ADAM12: variants seen among roughly 807,000 people sequenced by gnomAD.
The protein encoded by ADAM12 is ADAM metallopeptidase domain 12, also known as disintegrin and metalloproteinase domain-containing protein 12.
In ADAM12, 70 loss-of-function variants were observed where a neutral mutation model predicts 106.4. The observed-to-expected ratio is 0.66, with a 90% CI of 0.54 to 0.80. The LOEUF (loss-of-function observed/expected upper bound fraction) is 0.80. Among genes scored for constraint, ADAM12 ranks in the 30% least tolerant of loss-of-function variants. The pLI is 0.00. For synonymous variants in ADAM12, 420 were observed against 433.5 expected (o/e 0.97, Z 0.39); for missense variants, 1,010 against 1,171.9 (o/e 0.86, Z 2.02).
At chr10:126,171,010 GC>G (rs1554980882) in intron 3 of ADAM12, among the ~76,000 whole-genome samples, 2 of 152,162 alleles carry the variant, frequency 1.3e-5, no homozygotes, top group Non-Finnish European at 1.5e-5. Flanking sequence ...CAGGATAAAG[GC>G]CACACCAATC....
chr10:126,157,957 C>A, intron 3 of ADAM12, among the ~76,000 whole-genome samples: 1 of 152,192 alleles, frequency 6.6e-6, no homozygotes, highest in East Asian at 1.9e-4. Context: ...AGGTAGAGAG[C>A]TCCAGGATGG....
At chr10:126,312,116 G>T in intron 2 of ADAM12, among the ~76,000 whole-genome samples, 1 of 127,904 alleles carries the variant, frequency 7.8e-6, no homozygotes, top group African/African-American at 3.0e-5. Flanking sequence ...CAAAGTTGGA[G>T]AATTGGTTGG....
chr10:126,138,193 G>A (rs1278333), intron 4 of ADAM12, among the ~76,000 whole-genome samples: 111,372 of 152,082 alleles, frequency 0.73, 40,946 homozygotes, highest in East Asian at 0.92. Flanking sequence ...CCATTTTTAT[G>A]TCTTCTTTGA....
At chr10:126,138,973 T>A (rs1030454421) in intron 4 of ADAM12, among the ~76,000 whole-genome samples, 4 of 152,242 alleles carry the variant, frequency 2.6e-5, no homozygotes, top group African/African-American at 7.2e-5. Context: ...AAACACCTAC[T>A]CTTTTTTCTA....
intron 8 of ADAM12, among the ~76,000 whole-genome samples, chr10:126,105,152 A>G (rs1178698082): frequency 6.6e-6 from 1 of 152,204 alleles, no homozygotes; most frequent in East Asian, 1.9e-4. Flanking sequence ...AACTCCACGG[A>G]GTCCGTTAGG....
intron 11 of ADAM12, among the ~76,000 whole-genome samples, chr10:126,077,513 C>T (rs1565038197): frequency 6.6e-6 from 1 of 152,092 alleles, no homozygotes. Context: ...GCTACAGTAA[C>T]CAAAACAGCA....
chr10:126,074,577 C>T (rs1955061693), intron 11 of ADAM12, among the ~76,000 whole-genome samples: 1 of 152,192 alleles, frequency 6.6e-6, no homozygotes, highest in Non-Finnish European at 1.5e-5. Flanking sequence ...TGTTGTCAGA[C>T]TGTATAGTGA....
chr10:126,106,488 T>TC (rs1490815821), intron 8 of ADAM12, among the ~76,000 whole-genome samples: 3 of 120,222 alleles, frequency 2.5e-5, no homozygotes, highest in African/African-American at 9.7e-5. Flanking sequence ...TTCTTCTTCT[T>TC]TTTTTTTTTT....
chr10:126,198,614 C>A (rs565928542), intron 3 of ADAM12, among the ~76,000 whole-genome samples: 1 of 152,210 alleles, frequency 6.6e-6, no homozygotes, highest in East Asian at 1.9e-4. Flanking sequence ...CTGCTCCTAC[C>A]CAGCTGTGGG....
Position 126,118,225 on chromosome 10 carries a change from CT to C in ADAM12, c.417-2del, listed in dbSNP as rs778293407. 6.2e-7 allele frequency: 1 copy of C among 1,607,704 alleles called. No homozygotes were observed. Among genetic ancestry groups the C allele is most frequent in the Non-Finnish European group, 8.5e-7 (1 of 1,176,062 alleles). ...TTCATTTTCAAACACAATAAGTCCC[CT>C]GTTGAAAAAGAAACAAGAAAAAATA... On this transcript the variant is annotated splice_acceptor_variant, in intron 5 of 22. Coordinates refer to ENST00000448723, the MANE Select transcript of ADAM12 (RefSeq NM_001288973.2). LOFTEE classifies it high-confidence loss of function.
At chr10:126,337,966 A>G (rs1032166609) in intron 1 of ADAM12, among the ~76,000 whole-genome samples, 1 of 152,220 alleles carries the variant, frequency 6.6e-6, no homozygotes, top group African/African-American at 2.4e-5. Flanking sequence ...TGACAAAACA[A>G]CAATTCTTCT....
At chr10:126,099,898 A>G (rs1425822183) in intron 9 of ADAM12, among the ~76,000 whole-genome samples, 3 of 152,248 alleles carry the variant, frequency 2.0e-5, no homozygotes, top group African/African-American at 7.2e-5. Flanking sequence ...ACAAAAGAAT[A>G]ATAGCACAAA....
intron 3 of ADAM12, among the ~76,000 whole-genome samples, chr10:126,241,114 G>A (rs116662196): frequency 0.014 from 2,066 of 152,306 alleles, 52 homozygotes; most frequent in African/African-American, 0.048. Flanking sequence ...GAAAGGAGCT[G>A]ACACAAGGGG....
At chr10:126,042,312 C>T (rs1184231333) in intron 18 of ADAM12, 10 of 1,556,714 alleles carry the variant, frequency 6.4e-6, no homozygotes, top group Non-Finnish European at 6.9e-6. Context: ...CAGCACCGCA[C>T]CAGTAAACCA....
chr10:126,018,193 A>G (rs539819944), intron 22 of ADAM12, among the ~76,000 whole-genome samples: 8 of 152,314 alleles, frequency 5.3e-5, no homozygotes, highest in Admixed American at 4.6e-4. Flanking sequence ...GAGATACAGG[A>G]TTACTGAACC....
intron 3 of ADAM12, among the ~76,000 whole-genome samples, chr10:126,158,437 AGGAT>A: frequency 1.4e-5 from 1 of 70,172 alleles, no homozygotes; most frequent in Non-Finnish European, 3.2e-5. Context: ...GAGCACGGGG[AGGAT>A]GCACAGAGCA....
chr10:126,089,716 C>G (rs1014655743), intron 11 of ADAM12, among the ~76,000 whole-genome samples: 1 of 152,058 alleles, frequency 6.6e-6, no homozygotes, highest in South Asian at 2.1e-4. Context: ...TTCCCTCCAG[C>G]CCCCCACAGC....
intron 6 of ADAM12, among the ~76,000 whole-genome samples, chr10:126,116,489 A>G (rs1955985606): frequency 1.3e-5 from 2 of 151,920 alleles, no homozygotes; most frequent in Non-Finnish European, 2.9e-5. Flanking sequence ...ACAAGTTGAA[A>G]AGTCTCTTGA....
Position 126,388,245 on chromosome 10 carries a change from A to G in ADAM12, c.-100T>C. The G allele has an allele frequency of 8.5e-7, 1 of 1,182,590 alleles. No individual in the cohort carries two copies. The highest frequency in any genetic ancestry group is 1.0e-6 in the Non-Finnish European group (1 of 956,100). 73.3% of individuals were successfully genotyped at this position (1,182,590 alleles called of 1,614,324 possible). A position where few individuals can be genotyped will look rare whatever the true frequency, so the allele number is the denominator to read the frequency against. On this transcript the variant is annotated 5_prime_UTR_variant, in exon 1 of 23. Coordinates refer to ENST00000448723, the MANE Select transcript of ADAM12 (RefSeq NM_001288973.2). This position sits in a 1 kb window ranked among gnomAD's most constrained non-coding sequence, Gnocchi z 4.4. The stretch of plus-strand genomic sequence containing the variant: ...GGGGCCGGGCGTCGCGACCGGAGGG[A>G]TTTCCTGCCTCGGCGAGTCAGCTCC...
Sources: allele counts gnomAD v4.1 joint callset (sites outside exome capture counted in the v4.1 genomes callset), GRCh38; gene constraint gnomAD v4.1.1; non-coding constraint Gnocchi (gnomAD v3.1); transcripts MANE v1.5; gene names NCBI Gene and HGNC (gene_info 2026-07-23, HGNC 2026-07-21).